PAX5: variants seen among roughly 807,000 people sequenced by gnomAD.
PAX5 encodes paired box 5.
A neutral mutation model predicts 43.7 loss-of-function variants in PAX5; 9 were observed. The observed-to-expected ratio is 0.21, with a 90% CI of 0.12 to 0.36. PAX5 has a LOEUF of 0.36. Ranked by LOEUF, PAX5 falls within the 10% of genes least tolerant of loss-of-function variation. The pLI, the probability that PAX5 is intolerant of heterozygous loss-of-function variation, is 1.00. For synonymous variants in PAX5, 228 were observed against 214.3 expected (o/e 1.06, Z -0.56); for missense variants, 383 against 532.7 (o/e 0.72, Z 2.77).
intron 3 of PAX5, among the ~76,000 whole-genome samples, chr9:37,011,139 A>C (rs1200411722): frequency 6.6e-6 from 1 of 151,706 alleles, no homozygotes; most frequent in African/African-American, 2.4e-5. Context: ...AAAAAAAAAA[A>C]AAAAAAAAGA....
intron 6 of PAX5, among the ~76,000 whole-genome samples, chr9:36,961,463 GGCAGCAATGGGAT>G (rs1403306858): frequency 6.6e-6 from 1 of 152,206 alleles, no homozygotes; most frequent in Non-Finnish European, 1.5e-5. Context: ...TTGATCTATT[GGCAGCAATGGGAT>G]GGATAATTAG....
At chr9:36,852,389 A>G (rs1287450629) in intron 8 of PAX5, among the ~76,000 whole-genome samples, 1 of 152,240 alleles carries the variant, frequency 6.6e-6, no homozygotes, top group African/African-American at 2.4e-5. Flanking sequence ...AGTCTCAGAA[A>G]GGAGAAGGGA....
intron 2 of PAX5, among the ~76,000 whole-genome samples, chr9:37,016,407 C>T (rs1324776570): frequency 4.6e-5 from 7 of 152,186 alleles, no homozygotes; most frequent in Non-Finnish European, 1.0e-4. Flanking sequence ...CCACAAGTCA[C>T]GGCAACTCTT....
intron 8 of PAX5, among the ~76,000 whole-genome samples, chr9:36,875,697 ACAGAG>A (rs1176153261): frequency 6.6e-6 from 1 of 152,182 alleles, no homozygotes; most frequent in Non-Finnish European, 1.5e-5. Context: ...CAAGGGAAAC[ACAGAG>A]CTCTCTAAGT....
rs1301332331 is a variant in PAX5 at position 36,940,274 on chromosome 9, A to G, written c.781-16790T>C. On this transcript the variant is annotated intron_variant, in intron 6 of 9. Coordinates refer to ENST00000358127, the MANE Select transcript of PAX5 (RefSeq NM_016734.3). ...AACAGATGAGGTTTAATCGTCCAACACAAAAATTATTTAGGCGCAGTAAGG... is the reference window on the plus strand; with the variant it reads ...AACAGATGAGGTTTAATCGTCCAACGCAAAAATTATTTAGGCGCAGTAAGG... Among the ~76,000 whole-genome samples the G allele has an allele frequency of 2.0e-5, 3 of 152,216 alleles. No homozygotes were observed. In the East Asian group the frequency reaches 5.8e-4, roughly 29 times the overall value.
At chr9:37,028,193 T>C (rs1017283808) in intron 1 of PAX5, among the ~76,000 whole-genome samples, 6 of 152,208 alleles carry the variant, frequency 3.9e-5, no homozygotes, top group Admixed American at 1.3e-4. Context: ...CGTGATGGGA[T>C]CGGATTGTGT....
intron 7 of PAX5, among the ~76,000 whole-genome samples, chr9:36,891,373 G>A (rs1355990689): frequency 2.6e-5 from 4 of 152,230 alleles, no homozygotes; most frequent in Non-Finnish European, 5.9e-5. Context: ...GACGTGGGGC[G>A]GGGATTCATC....
intron 7 of PAX5, among the ~76,000 whole-genome samples, chr9:36,890,136 G>T (rs956145982): frequency 8.5e-5 from 13 of 152,066 alleles, no homozygotes; most frequent in Admixed American, 1.3e-4. Flanking sequence ...CTGACAGTGT[G>T]AAAACCCTTC....
intron 6 of PAX5, among the ~76,000 whole-genome samples, chr9:36,943,708 G>A (rs1832259085): frequency 6.6e-6 from 1 of 151,940 alleles, no homozygotes; most frequent in Admixed American, 6.5e-5. Flanking sequence ...AGAAGAATAG[G>A]CGTAGGTTCC....
chr9:36,861,874 G>C (rs1479519749), intron 8 of PAX5, among the ~76,000 whole-genome samples: 1 of 152,154 alleles, frequency 6.6e-6, no homozygotes, highest in African/African-American at 2.4e-5. Context: ...GTTGTGAATA[G>C]ACTAAAGGGT....
chr9:36,912,120 C>T (rs559109800), intron 7 of PAX5, among the ~76,000 whole-genome samples: 4 of 152,346 alleles, frequency 2.6e-5, no homozygotes, highest in Non-Finnish European at 4.4e-5. Flanking sequence ...AGGATTTCTG[C>T]GGGATCAGGA....
chr9:36,833,445 A>G lies in PAX5; in HGVS notation c.*7115T>C, dbSNP rs899215260. The G allele has an allele frequency of 4.3e-5, 10 of 233,120 alleles. No homozygotes were observed. In the East Asian group the frequency reaches 6.0e-4, roughly 14 times the overall value. 14.4% of individuals were successfully genotyped at this position (233,120 alleles called of 1,614,324 possible). The stretch of plus-strand genomic sequence containing the variant: ...GCCAATCTTATTGCATGTTTCTCCA[A>G]CTAATCTAAAATAAAGGTGTTGCAG... On this transcript the variant is annotated 3_prime_UTR_variant, in exon 10 of 10. Transcript: ENST00000358127.
chr9:36,967,985 C>T (rs1834588123), intron 5 of PAX5, among the ~76,000 whole-genome samples: 1 of 152,170 alleles, frequency 6.6e-6, no homozygotes, highest in Admixed American at 6.5e-5. Context: ...CAAGCTTGAA[C>T]TGTTCAAAAT....
chr9:37,011,036 A>G (rs1322760058), intron 3 of PAX5, among the ~76,000 whole-genome samples: 1 of 150,974 alleles, frequency 6.6e-6, no homozygotes, highest in Non-Finnish European at 1.5e-5. Context: ...TGGGAAGATC[A>G]CCCGAGCCTG....
intron 1 of PAX5, among the ~76,000 whole-genome samples, chr9:37,024,438 C>T (rs79966958): frequency 0.016 from 2,423 of 152,248 alleles, 34 homozygotes; most frequent in South Asian, 0.068. Context: ...AGGAAGGTGA[C>T]GAAGTGGGAC....
At position 36,847,061 on chromosome 9, in the gene PAX5, A is replaced by G. The variant is rs142733008; in HGVS notation, c.1013-132T>C. On this transcript the variant is annotated intron_variant, in intron 8 of 9. Transcript: ENST00000358127. The stretch of plus-strand genomic sequence containing the variant: ...GTGAGTTGCAGGCGCTTTTGTAACC[A>G]ACAAAAGCAAGTCAGGTCCACATCA... 1.6e-5 allele frequency: 10 copies of G among 625,062 alleles called. No individual in the cohort carries two copies. The East Asian group carries it at 2.8e-4, about 17-fold the overall frequency. 38.7% of individuals were successfully genotyped at this position (625,062 alleles called of 1,614,324 possible).
chr9:36,997,083 C>T (rs1837459704), intron 5 of PAX5, among the ~76,000 whole-genome samples: 1 of 152,056 alleles, frequency 6.6e-6, no homozygotes, highest in Non-Finnish European at 1.5e-5. Flanking sequence ...GACAGGCATC[C>T]CCAAAAAGGA....
chr9:36,905,310 C>T (rs1203679888), intron 7 of PAX5, among the ~76,000 whole-genome samples: 2 of 152,238 alleles, frequency 1.3e-5, no homozygotes, highest in African/African-American at 4.8e-5. Flanking sequence ...GCCATTGTCA[C>T]ACACTTTCTT....
At chr9:36,981,065 G>C (rs952939893) in intron 5 of PAX5, among the ~76,000 whole-genome samples, 3 of 151,896 alleles carry the variant, frequency 2.0e-5, no homozygotes, top group Non-Finnish European at 4.4e-5. Flanking sequence ...CTTTGCACTT[G>C]CTGTTCCCTC....
Sources: allele counts gnomAD v4.1 joint callset (sites outside exome capture counted in the v4.1 genomes callset), GRCh38; gene constraint gnomAD v4.1.1; transcripts MANE v1.5; gene names NCBI Gene and HGNC (gene_info 2026-07-23, HGNC 2026-07-21).